Variants in SEC24D observed in about 807,000 individuals in gnomAD.
The protein encoded by SEC24D is protein transport protein Sec24D.
In SEC24D, 69 loss-of-function variants were observed where a neutral mutation model predicts 116.9. The observed-to-expected ratio is 0.59, with a 90% confidence interval of 0.49 to 0.72. SEC24D has a LOEUF of 0.72. Ranked by LOEUF, SEC24D falls within the 30% of genes least tolerant of loss-of-function variation. The probability of loss-of-function intolerance (pLI) is 0.00; values close to 1 mark genes in which losing one functional copy is unlikely to be tolerated. For synonymous variants in SEC24D, 405 were observed against 442.8 expected (o/e 0.91, Z 1.07); for missense variants, 1,131 against 1,264.1 (o/e 0.89, Z 1.60).
At chr4:118,728,864 A>C (rs2110427279) in intron 21 of SEC24D, 2 of 463,080 alleles carry the variant, frequency 4.3e-6, no homozygotes, top group East Asian at 7.4e-5. Context: ...TGTCTTTTGG[A>C]AAAAACTCTT....
chr4:118,762,033 T>C (rs919778000), intron 10 of SEC24D, among the ~76,000 whole-genome samples: 2 of 152,082 alleles, frequency 1.3e-5, no homozygotes, highest in Non-Finnish European at 2.9e-5. Flanking sequence ...ACAAGTACCT[T>C]AGACATGTTA....
chr4:118,826,420 C>T (rs190486401), intron 2 of SEC24D, among the ~76,000 whole-genome samples: 1 of 152,258 alleles, frequency 6.6e-6, no homozygotes, highest in East Asian at 1.9e-4. Context: ...TCTTCCCTGG[C>T]CATAGCCCCT....
chr4:118,821,290 C>T lies in SEC24D; in HGVS notation c.248+3330G>A, dbSNP rs557726746. Among the ~76,000 whole-genome samples, 14 of 152,280 alleles carry T rather than the reference C, an allele frequency of 9.2e-5. 1 individual carries two copies. The South Asian group carries it at 2.5e-3, about 27-fold the overall frequency. The stretch of plus-strand genomic sequence containing the variant: ...TCAGCTTCAATTTGGGAAGATGGGT[C>T]CACTGTTCCCTCAAATTCACTGTTT... On this transcript the variant is annotated intron_variant, in intron 3 of 22. Transcript: ENST00000280551.
chr4:118,833,609 C>T lies in SEC24D; in HGVS notation c.88G>A (p.Gly30Arg). Residue 30 changes from glycine to arginine, a missense_variant, in exon 2 of 23, where the codon GGG (glycine) becomes AGG (arginine). Coordinates refer to ENST00000280551, the MANE Select transcript of SEC24D (RefSeq NM_014822.4). ...GLSPPHYGHY[G>R]DPSHTASPTG... is the part of the protein sequence containing the mutation. ...GGAGATGCTGTGTGCGACGGATCCC[C>T]ATAGTGCCCATAATGAGGTGGAGAA... The T allele has an allele frequency of 2.5e-6, 4 of 1,613,878 alleles. No individual in the cohort carries two copies. Among genetic ancestry groups the T allele is most frequent in the Non-Finnish European group, 3.4e-6 (4 of 1,179,838 alleles).
chr4:118,737,128 T>A (rs1295639842), intron 19 of SEC24D, among the ~76,000 whole-genome samples: 1 of 152,190 alleles, frequency 6.6e-6, no homozygotes, highest in Non-Finnish European at 1.5e-5. Context: ...ATGAGGTAAA[T>A]GTTTAAAGTG....
At chr4:118,811,056 G>A (rs1729902061) in intron 6 of SEC24D, among the ~76,000 whole-genome samples, 1 of 152,216 alleles carries the variant, frequency 6.6e-6, no homozygotes, top group Admixed American at 6.5e-5. Flanking sequence ...TTGGTAACAG[G>A]AAGTCATTGG....
chr4:118,751,642 T>C (rs1311218248), intron 13 of SEC24D, among the ~76,000 whole-genome samples: 1 of 152,168 alleles, frequency 6.6e-6, no homozygotes, highest in Admixed American at 6.5e-5. Context: ...GCCTGTCATG[T>C]TTGAAAATCC....
At position 118,740,953 on chromosome 4, in the gene SEC24D, G is replaced by T; in HGVS notation, c.2080C>A (p.Arg694Ser). Residue 694 changes from arginine to serine, a missense_variant, in exon 16 of 23, where the codon CGT becomes AGT. Coordinates refer to ENST00000280551, the MANE Select transcript of SEC24D (RefSeq NM_014822.4). ...AAATGATAATTACCTGTGCTGGTAC[G>T]AACCCTCATAATAGCATCAAAGCCT... Reference protein sequence around the residue: ...KIGFDAIMRVRTSTGFRATDF... With the variant: ...KIGFDAIMRVSTSTGFRATDF... The T allele has an allele frequency of 6.3e-7, 1 of 1,599,762 alleles. No homozygotes were observed. Among genetic ancestry groups the T allele is most frequent in the Non-Finnish European group, 8.5e-7 (1 of 1,171,368 alleles).
At chr4:118,742,684 TTAA>T (rs1482989814) in intron 15 of SEC24D, among the ~76,000 whole-genome samples, 3 of 152,248 alleles carry the variant, frequency 2.0e-5, no homozygotes, top group Admixed American at 6.5e-5. Context: ...TTATTGATGA[TTAA>T]TAAAAACAGA....
At chr4:118,736,623 C>T in intron 19 of SEC24D, 1 of 246,646 alleles carries the variant, frequency 4.1e-6, no homozygotes, top group Non-Finnish European at 8.0e-6. Flanking sequence ...ACATTAAGTC[C>T]AACTATTCTA....
At chr4:118,727,706 C>G (rs889765185) in intron 22 of SEC24D, among the ~76,000 whole-genome samples, 1 of 151,972 alleles carries the variant, frequency 6.6e-6, no homozygotes, top group African/African-American at 2.4e-5. Flanking sequence ...TCTGTCATCT[C>G]TAGGTCCTGC....
At chr4:118,814,073 A>C (rs1178674200) in intron 6 of SEC24D, among the ~76,000 whole-genome samples, 1 of 152,224 alleles carries the variant, frequency 6.6e-6, no homozygotes, top group Non-Finnish European at 1.5e-5. Context: ...CTAATTCTTC[A>C]AGTACTTATG....
At chr4:118,770,129 T>C (rs1727830139) in intron 8 of SEC24D, among the ~76,000 whole-genome samples, 1 of 152,142 alleles carries the variant, frequency 6.6e-6, no homozygotes, top group African/African-American at 2.4e-5. Context: ...TGGTTAAAAG[T>C]TGAGAAGCAG....
chr4:118,771,747 C>T (rs1032732375), intron 8 of SEC24D, among the ~76,000 whole-genome samples: 1 of 152,096 alleles, frequency 6.6e-6, no homozygotes, highest in Non-Finnish European at 1.5e-5. Context: ...TTCTTAATAC[C>T]ACTAGTAAAA....
At chr4:118,743,826 C>G (rs1483898681) in intron 15 of SEC24D, among the ~76,000 whole-genome samples, 162 bp downstream of exon 15, 2 of 152,206 alleles carry the variant, frequency 1.3e-5, no homozygotes, top group Non-Finnish European at 2.9e-5. Context: ...ATGCAGAACT[C>G]TCCTTATAAA....
chr4:118,801,110 A>G (rs1729419741), intron 7 of SEC24D, among the ~76,000 whole-genome samples: 1 of 152,020 alleles, frequency 6.6e-6, no homozygotes, highest in African/African-American at 2.4e-5. Flanking sequence ...AAATACAAAA[A>G]AATCAGCCGG....
intron 8 of SEC24D, 83 bp from the exon 9 acceptor site, chr4:118,768,394 C>G (rs1252660246): frequency 1.9e-6 from 1 of 535,416 alleles, no homozygotes; most frequent in African/African-American, 2.2e-5. Context: ...TTTAATGGCA[C>G]TTTTTTTTTT....
At chr4:118,762,854 A>G (rs1469196487) in intron 10 of SEC24D, among the ~76,000 whole-genome samples, 1 of 152,192 alleles carries the variant, frequency 6.6e-6, no homozygotes, top group Non-Finnish European at 1.5e-5. Context: ...ATTTCCAGAT[A>G]ACAGAGTTTG....
chr4:118,751,916 T>C, intron 13 of SEC24D, 80 bp downstream of exon 13: 1 of 989,818 alleles, frequency 1.0e-6, no homozygotes, highest in African/African-American at 1.6e-5. Flanking sequence ...GTCTTTTCTT[T>C]CATAAATGAA....
Sources: allele counts gnomAD v4.1 joint callset (sites outside exome capture counted in the v4.1 genomes callset), GRCh38; gene constraint gnomAD v4.1.1; transcripts MANE v1.5; gene names NCBI Gene and HGNC (gene_info 2026-07-23, HGNC 2026-07-21).